The following NACC2 variants were observed in gnomAD, a reference collection of about 807,000 sequenced individuals.
The protein encoded by NACC2 is nucleus accumbens-associated protein 2.
Under a neutral mutation model 25.1 loss-of-function variants are expected in NACC2, and 8 were observed. That is an observed-to-expected ratio of 0.32 (90% confidence interval 0.19 to 0.57). The LOEUF (loss-of-function observed/expected upper bound fraction) is 0.57, where lower values mean the gene tolerates loss of function less well. Among genes scored for constraint, NACC2 ranks in the 20% least tolerant of loss-of-function variants. The probability of loss-of-function intolerance (pLI) is 0.89; values close to 1 mark genes in which losing one functional copy is unlikely to be tolerated. For missense variants in NACC2, 644 were observed against 650.2 expected (o/e 0.99, Z 0.10); for synonymous variants, 435 against 294.7 (o/e 1.48, Z -4.88).
chr9:136,056,654 C>T (rs1167940049), intron 1 of NACC2, among the ~76,000 whole-genome samples: 4 of 152,342 alleles, frequency 2.6e-5, no homozygotes, highest in Admixed American at 6.5e-5. Flanking sequence ...CACAGAGGTA[C>T]GGGGGGTCTC....
chr9:136,059,311 T>C (rs1301062794), intron 1 of NACC2, among the ~76,000 whole-genome samples: 1 of 152,170 alleles, frequency 6.6e-6, no homozygotes, highest in East Asian at 1.9e-4. Context: ...ACAGCCATGC[T>C]TGGTGTCCAG....
At chr9:136,016,501 C>G in intron 2 of NACC2, 72 bp from the exon 3 acceptor site, 1 of 1,575,192 alleles carries the variant, frequency 6.3e-7, no homozygotes. Flanking sequence ...GCCCGCCTGC[C>G]CTCCATGCTC....
rs1840056122 is a variant in NACC2 at position 136,008,408 on chromosome 9, GTCC to G, written c.*3105_*3107del. The G allele has an allele frequency of 6.6e-6, 1 of 152,286 alleles. No individual in the cohort carries two copies. Among genetic ancestry groups the G allele is most frequent in the South Asian group, 2.1e-4 (1 of 4,832 alleles). The allele number at this position is 152,286 out of a possible 1,614,324, so 9.4% of individuals were successfully genotyped here. A position where few individuals can be genotyped will look rare whatever the true frequency, so the allele number is the denominator to read the frequency against. Reference sequence around the variant, plus strand: ...GCTCCAACACGGTCCAGTCCCTTCTGTCCTCCTCAAAAGGTGTGGAGATAACGT... The same window carrying G: ...GCTCCAACACGGTCCAGTCCCTTCTGTCCTCAAAAGGTGTGGAGATAACGT... On this transcript the variant is annotated 3_prime_UTR_variant, in exon 6 of 6. Transcript: ENST00000277554.
chr9:136,042,013 G>A (rs1840641027), intron 2 of NACC2, among the ~76,000 whole-genome samples: 1 of 150,364 alleles, frequency 6.7e-6, no homozygotes, highest in African/African-American at 2.5e-5. Context: ...CTTTTTTTTT[G>A]AGACAGAGTC....
At chr9:136,077,494 G>T (rs928954778) in intron 1 of NACC2, among the ~76,000 whole-genome samples, 1 of 152,206 alleles carries the variant, frequency 6.6e-6, no homozygotes, top group Non-Finnish European at 1.5e-5. Context: ...AAAACAAGCC[G>T]AGAAGGACAG....
At chr9:136,043,476 CCGTGGGG>C (rs1383051209) in intron 2 of NACC2, among the ~76,000 whole-genome samples, 1 of 152,266 alleles carries the variant, frequency 6.6e-6, no homozygotes, top group Non-Finnish European at 1.5e-5. Context: ...TGCCGTAAGG[CCGTGGGG>C]CGCCTGCTGC....
At chr9:136,061,963 T>C (rs1325715026) in intron 1 of NACC2, among the ~76,000 whole-genome samples, 1 of 151,892 alleles carries the variant, frequency 6.6e-6, no homozygotes, top group Admixed American at 6.6e-5. Context: ...CTACTAAAAA[T>C]ACAAAAATTA....
intron 1 of NACC2, among the ~76,000 whole-genome samples, chr9:136,060,540 G>T (rs1840994887): frequency 6.6e-6 from 1 of 152,238 alleles, no homozygotes; most frequent in African/African-American, 2.4e-5. Flanking sequence ...CCACACTGGG[G>T]CCGGGTGGGG....
intron 1 of NACC2, among the ~76,000 whole-genome samples, chr9:136,068,056 CTT>C (rs1841108353): frequency 6.6e-6 from 1 of 152,158 alleles, no homozygotes; most frequent in African/African-American, 2.4e-5. Context: ...CTATAGGACA[CTT>C]ATCATGAATG....
In NACC2 at chr9:136,013,360, C is replaced by T. The variant is rs1161982457; in HGVS notation, c.1158-64G>A. 16 of 1,485,756 alleles carry T rather than the reference C, an allele frequency of 1.1e-5. No homozygotes were observed. The highest frequency in any genetic ancestry group is 4.7e-5 in the South Asian group (4 of 84,594). 92.0% of individuals were successfully genotyped at this position (1,485,756 alleles called of 1,614,324 possible). A position where few individuals can be genotyped will look rare whatever the true frequency, so the allele number is the denominator to read the frequency against. ...ATGGGGAGGGTACCTGGAGGCGACC[C>T]GCCCGCACGAATGCCCTGCTGGGAG... On this transcript the variant is annotated intron_variant, in intron 4 of 5. Coordinates refer to ENST00000277554, the MANE Select transcript of NACC2 (RefSeq NM_144653.5). This position sits in a 1 kb window ranked among gnomAD's most constrained non-coding sequence, Gnocchi z 6.6.
At chr9:136,087,132 C>T (rs925074911) in intron 1 of NACC2, among the ~76,000 whole-genome samples, 1 of 152,202 alleles carries the variant, frequency 6.6e-6, no homozygotes, top group Non-Finnish European at 1.5e-5. Context: ...TCCCACATGC[C>T]AAGAAAGGCC....
Position 136,092,774 on chromosome 9 carries a change from G to A in NACC2, c.-60+2415C>T, listed in dbSNP as rs537066321. On this transcript the variant is annotated intron_variant, in intron 1 of 5. Transcript: ENST00000277554. ...GGTCTGTAGAAGGCCTTGGTTCTCC[G>A]GAGAAACATGCTGGTGTATCCTGGG... 8.5e-5 allele frequency among the ~76,000 whole-genome samples: 13 copies of A among 152,330 alleles called. No homozygotes were observed. In the East Asian group the frequency reaches 1.5e-3, roughly 18 times the overall value.
intron 1 of NACC2, among the ~76,000 whole-genome samples, chr9:136,052,013 G>A (rs1361453437): frequency 1.3e-5 from 2 of 152,172 alleles, no homozygotes; most frequent in African/African-American, 2.4e-5. Context: ...GCAGCGCACC[G>A]CATCTCAATG....
At chr9:136,063,331 A>G (rs1317660397) in intron 1 of NACC2, among the ~76,000 whole-genome samples, 1 of 152,228 alleles carries the variant, frequency 6.6e-6, no homozygotes, top group East Asian at 1.9e-4. Flanking sequence ...AGATGCCTGC[A>G]GGGCCAATGA....
In NACC2 at chr9:136,011,491, C is replaced by T. The variant is rs771364209; in HGVS notation, c.*25G>A. 3.7e-6 allele frequency: 5 copies of T among 1,355,096 alleles called. No individual in the cohort carries two copies. In the South Asian group the frequency reaches 6.3e-5, roughly 17 times the overall value. The allele number at this position is 1,355,096 out of a possible 1,614,324, so 83.9% of individuals were successfully genotyped here. ...CATGCAAGCAGCTCTAGTACTCGGT[C>T]CCTCGCGCAGCCACCCAGCTCCGCT... On this transcript the variant is annotated 3_prime_UTR_variant, in exon 6 of 6. Transcript: ENST00000277554.
At chr9:136,064,365 T>C (rs1172486140) in intron 1 of NACC2, among the ~76,000 whole-genome samples, 2 of 147,512 alleles carry the variant, frequency 1.4e-5, no homozygotes, top group Non-Finnish European at 3.0e-5. Flanking sequence ...TTGCAAAATA[T>C]AAACTCAGTA....
intron 1 of NACC2, among the ~76,000 whole-genome samples, chr9:136,094,107 G>A (rs1469314905): frequency 6.6e-6 from 1 of 152,202 alleles, no homozygotes; most frequent in Non-Finnish European, 1.5e-5. Context: ...GGGCTGCCTT[G>A]GGCACCCCCG....
At chr9:136,052,504 G>A (rs1258862023) in intron 1 of NACC2, among the ~76,000 whole-genome samples, 1 of 152,090 alleles carries the variant, frequency 6.6e-6, no homozygotes, top group Non-Finnish European at 1.5e-5. Context: ...GGTACAGCAG[G>A]GGGTGAAGAG....
intron 1 of NACC2, among the ~76,000 whole-genome samples, chr9:136,065,953 G>A (rs1841075143): frequency 6.6e-6 from 1 of 152,120 alleles, no homozygotes; most frequent in African/African-American, 2.4e-5. Context: ...TAACACTTTG[G>A]GAGGCCAAGG....
Sources: allele counts gnomAD v4.1 joint callset (sites outside exome capture counted in the v4.1 genomes callset), GRCh38; gene constraint gnomAD v4.1.1; non-coding constraint Gnocchi (gnomAD v3.1); transcripts MANE v1.5; gene names NCBI Gene and HGNC (gene_info 2026-07-23, HGNC 2026-07-21).